LANCL1: variants seen among roughly 807,000 people sequenced by gnomAD.
LANCL1 encodes the protein LanC like glutathione S-transferase 1.
In LANCL1, 50 loss-of-function variants were observed where a neutral mutation model predicts 50.6. The ratio of observed to expected loss-of-function variants is 0.99; its 90% confidence interval spans 0.79 to 1.25. LANCL1 has a LOEUF of 1.25. Among genes scored for constraint, LANCL1 ranks in the 50% most tolerant of loss-of-function variants. The probability of loss-of-function intolerance (pLI) is 0.00; values close to 1 mark genes in which losing one functional copy is unlikely to be tolerated. For synonymous variants in LANCL1, 188 were observed against 178.6 expected (o/e 1.05, Z -0.42); for missense variants, 532 against 480.7 (o/e 1.11, Z -1.00).
chr2:210,454,131 G>A (rs1426965151), intron 4 of LANCL1, among the ~76,000 whole-genome samples: 1 of 151,500 alleles, frequency 6.6e-6, no homozygotes, highest in Non-Finnish European at 1.5e-5. Context: ...CCTTCTTTTT[G>A]TTACACTTTC....
chr2:210,462,558 T>C (rs1693895602), intron 3 of LANCL1, among the ~76,000 whole-genome samples: 2 of 152,216 alleles, frequency 1.3e-5, no homozygotes, highest in Non-Finnish European at 2.9e-5. Flanking sequence ...AGAAGATCTT[T>C]AAGCCTTTTC....
At chr2:210,437,951 A>AAAG in intron 6 of LANCL1, 79 bp from the exon 7 acceptor site, 1 of 1,032,308 alleles carries the variant, frequency 9.7e-7, no homozygotes, top group Non-Finnish European at 1.3e-6. Context: ...AACCAGAAAA[A>AAAG]AAGCATGGCT....
At chr2:210,454,274 G>A (rs1055783724) in intron 4 of LANCL1, among the ~76,000 whole-genome samples, 1 of 150,930 alleles carries the variant, frequency 6.6e-6, no homozygotes, top group Non-Finnish European at 1.5e-5. Context: ...CTAAACAATA[G>A]GGGTATAAAT....
intron 3 of LANCL1, among the ~76,000 whole-genome samples, chr2:210,458,980 G>C (rs1291611990): frequency 6.6e-6 from 1 of 152,082 alleles, no homozygotes; most frequent in Non-Finnish European, 1.5e-5. Flanking sequence ...TTTTAGCCAA[G>C]TGTATTCTTG....
chr2:210,461,263 A>C (rs983659621), intron 3 of LANCL1, among the ~76,000 whole-genome samples: 1 of 151,928 alleles, frequency 6.6e-6, no homozygotes, highest in Admixed American at 6.6e-5. Context: ...ATCCAGCGTA[A>C]ATCCATGCCC....
chr2:210,440,514 A>G (rs1222001020), intron 6 of LANCL1, 84 bp downstream of exon 6: 14 of 1,310,094 alleles, frequency 1.1e-5, no homozygotes, highest in Non-Finnish European at 1.5e-5. Flanking sequence ...ATGACAAACT[A>G]GAACTAGAAT....
At chr2:210,462,562 C>T (rs1030595983) in intron 3 of LANCL1, among the ~76,000 whole-genome samples, 2 of 152,228 alleles carry the variant, frequency 1.3e-5, no homozygotes, top group East Asian at 3.9e-4. Flanking sequence ...GATCTTTAAG[C>T]CTTTTCAAAA....
intron 3 of LANCL1, among the ~76,000 whole-genome samples, chr2:210,466,687 CCTTT>C (rs1244795026): frequency 6.6e-6 from 1 of 152,164 alleles, no homozygotes; most frequent in Admixed American, 6.5e-5. Context: ...TCTGCCTCCT[CCTTT>C]GATTTTTCAG....
chr2:210,462,679 A>G (rs1693900757), intron 3 of LANCL1, among the ~76,000 whole-genome samples: 1 of 152,272 alleles, frequency 6.6e-6, no homozygotes, highest in African/African-American at 2.4e-5. Context: ...AACACCTTCT[A>G]TAGAAAAACA....
Position 210,440,603 on chromosome 2 carries a change from T to C in LANCL1, c.685A>G (p.Met229Val). 6.2e-7 allele frequency: 1 copy of C among 1,612,366 alleles called. No homozygotes were observed. Residue 229 changes from methionine (M) to valine (V), a missense_variant, in exon 6 of 10, where the codon ATG (methionine) becomes GTG (valine). Transcript: ENST00000450366. The stretch of plus-strand genomic sequence containing the variant: ...TCACCATAATCACTCCTTACCTGCA[T>C]CAGGTAGTAATAAATTCCAGCCAGG... ...HGLAGIYYYLMQPSLQVSQGK... is the reference protein window; with the variant it reads ...HGLAGIYYYLVQPSLQVSQGK...
intron 4 of LANCL1, among the ~76,000 whole-genome samples, chr2:210,447,478 T>C (rs1693379900): frequency 6.6e-6 from 1 of 152,154 alleles, no homozygotes; most frequent in African/African-American, 2.4e-5. Flanking sequence ...TACATCATAA[T>C]GACAGGATCA....
chr2:210,461,278 C>G lies in LANCL1; in HGVS notation c.200-5964G>C, dbSNP rs1038221330. On this transcript the variant is annotated intron_variant, in intron 3 of 9. Coordinates refer to ENST00000450366, the MANE Select transcript of LANCL1 (RefSeq NM_006055.3). ...ATCCAGCGTAAATCCATGCCCATAG[C>G]TCTTTCTACTTGTCCTAACACCTCT... is the stretch of plus-strand genomic sequence containing the variant. Among the ~76,000 whole-genome samples, 8 of 152,030 alleles carry G rather than the reference C, an allele frequency of 5.3e-5. No homozygotes were observed. In the South Asian group the frequency reaches 1.2e-3, roughly 24 times the overall value.
chr2:210,460,826 TA>T (rs894960213), intron 3 of LANCL1: 6 of 152,098 alleles, frequency 3.9e-5, no homozygotes, highest in Non-Finnish European at 7.4e-5. Context: ...ACCTTTAATT[TA>T]ATAATATTGC....
At chr2:210,455,564 A>C (rs2287431) in intron 3 of LANCL1, among the ~76,000 whole-genome samples, 31,651 of 152,066 alleles carry the variant, frequency 0.21, 4,180 homozygotes, top group Middle Eastern at 0.34. Flanking sequence ...AAGGTCTCTA[A>C]GGCTCTGGCC....
intron 6 of LANCL1, 116 bp from the exon 7 acceptor site, chr2:210,437,988 GT>G: frequency 1.5e-6 from 1 of 658,368 alleles, no homozygotes; most frequent in Non-Finnish European, 2.3e-6. Context: ...TCATTAAGAG[GT>G]TTTGGATTTC....
At chr2:210,447,006 C>A (rs1559711094) in intron 4 of LANCL1, among the ~76,000 whole-genome samples, 1 of 151,832 alleles carries the variant, frequency 6.6e-6, no homozygotes, top group Non-Finnish European at 1.5e-5. Flanking sequence ...GAAAGCACCA[C>A]AAAGATACTC....
intron 4 of LANCL1, among the ~76,000 whole-genome samples, chr2:210,445,476 C>T (rs3770696): frequency 0.22 from 33,176 of 152,018 alleles, 6,496 homozygotes; most frequent in African/African-American, 0.52. Context: ...ATAAAGGAAG[C>T]ATATCCCTTT....
chr2:210,476,610 C>A lies in LANCL1; in HGVS notation c.-17+10G>T. 7.4e-7 allele frequency: 1 copy of A among 1,349,222 alleles called. No individual in the cohort carries two copies. Among genetic ancestry groups the A allele is most frequent in the African/African-American group, 1.5e-5 (1 of 67,294 alleles). The allele number at this position is 1,349,222 out of a possible 1,614,324, so 83.6% of individuals were successfully genotyped here. The stretch of plus-strand genomic sequence containing the variant: ...CCTTCGCGAAAAAGCTGCCAGGGCC[C>A]TTAACCCACCCGGACAAAGAGGCCC... On this transcript the variant is annotated intron_variant, in intron 1 of 9. Transcript: ENST00000450366.
intron 6 of LANCL1, among the ~76,000 whole-genome samples, chr2:210,439,789 T>C (rs1041252622): frequency 1.3e-5 from 2 of 152,196 alleles, no homozygotes; most frequent in African/African-American, 4.8e-5. Context: ...GCTGGTAGTA[T>C]GTATATCCAA....
Sources: allele counts gnomAD v4.1 joint callset (sites outside exome capture counted in the v4.1 genomes callset), GRCh38; gene constraint gnomAD v4.1.1; transcripts MANE v1.5; gene names NCBI Gene and HGNC (gene_info 2026-07-23, HGNC 2026-07-21).